Variants in TRPM6 observed in about 807,000 individuals in gnomAD.
TRPM6 encodes transient receptor potential cation channel subfamily M member 6.
A neutral mutation model predicts 247.6 loss-of-function variants in TRPM6; 111 were observed. The observed-to-expected ratio is 0.45, with a 90% CI of 0.38 to 0.52. The LOEUF is 0.52. TRPM6 is among the 20% of genes least tolerant of loss of function. TRPM6 has a pLI of 0.00. For missense variants in TRPM6, 2,126 were observed against 2,421.5 expected, an observed-to-expected ratio of 0.88 and a Z score of 2.56; for synonymous variants, 892 against 853.8, an observed-to-expected ratio of 1.04 and a Z score of -0.78.
At chr9:74,875,607 T>G (rs1831174464) in intron 1 of TRPM6, among the ~76,000 whole-genome samples, 1 of 152,114 alleles carries the variant, frequency 6.6e-6, no homozygotes, top group African/African-American at 2.4e-5. Context: ...GTCAATTCAT[T>G]ATTCCCTCCT....
chr9:74,820,514 C>T (rs1829100677), intron 8 of TRPM6, 87 bp from the exon 9 acceptor site: 1 of 1,524,784 alleles, frequency 6.6e-7, no homozygotes, highest in Non-Finnish European at 9.0e-7. Context: ...CATCAGCTCC[C>T]CAGACTGAAA....
chr9:74,797,080 A>G (rs1280921860), intron 17 of TRPM6, among the ~76,000 whole-genome samples, 187 bp from the exon 18 acceptor site: 1 of 152,210 alleles, frequency 6.6e-6, no homozygotes, highest in Non-Finnish European at 1.5e-5. Context: ...AGAAATACTC[A>G]TGAGTACAAG....
intron 3 of TRPM6, among the ~76,000 whole-genome samples, chr9:74,853,180 G>A (rs1830407649): frequency 1.3e-5 from 2 of 151,344 alleles, no homozygotes; most frequent in Admixed American, 6.6e-5. Flanking sequence ...CTGCCCGGCC[G>A]CCCCGTCTGA....
chr9:74,830,770 T>G (rs1384199975), intron 6 of TRPM6, among the ~76,000 whole-genome samples: 8 of 141,720 alleles, frequency 5.6e-5, no homozygotes, highest in Non-Finnish European at 1.2e-4. Context: ...TTTTTTTTTT[T>G]TTTTTTTTGT....
chr9:74,769,586 G>A (rs1043266246), intron 25 of TRPM6, among the ~76,000 whole-genome samples: 6 of 151,876 alleles, frequency 4.0e-5, no homozygotes, highest in Non-Finnish European at 7.4e-5. Flanking sequence ...GTGAAACCCC[G>A]TCTCTACTAA....
At chr9:74,771,045 A>G (rs975084876) in intron 25 of TRPM6, among the ~76,000 whole-genome samples, 1 of 151,842 alleles carries the variant, frequency 6.6e-6, no homozygotes, top group African/African-American at 2.4e-5. Context: ...TCCAACCAGC[A>G]CCCTCCATCT....
At chr9:74,737,502 A>G (rs561227336) in intron 36 of TRPM6, 43 of 1,115,612 alleles carry the variant, frequency 3.9e-5, no homozygotes, top group South Asian at 2.8e-4. Context: ...TAAACAAACC[A>G]TAAGATGGTT....
chr9:74,818,053 C>G (rs559353305), intron 9 of TRPM6, among the ~76,000 whole-genome samples: 28 of 152,238 alleles, frequency 1.8e-4, no homozygotes, highest in African/African-American at 6.3e-4. Flanking sequence ...CGAATAAAAT[C>G]AGTCCTCAAT....
chr9:74,887,365 C>T, intron 1 of TRPM6: 3 of 1,391,672 alleles, frequency 2.2e-6, no homozygotes, highest in Non-Finnish European at 2.8e-6. Context: ...CCCGGCTAGT[C>T]AGCGTCCGGG....
intron 9 of TRPM6, among the ~76,000 whole-genome samples, chr9:74,819,684 G>A (rs372702881): frequency 3.3e-5 from 5 of 152,234 alleles, no homozygotes; most frequent in South Asian, 2.1e-4. Context: ...ATTTCCTGCA[G>A]GATTTACTCA....
chr9:74,732,805 TA>T, intron 36 of TRPM6, 69 bp from the exon 37 acceptor site: 1 of 1,158,494 alleles, frequency 8.6e-7, no homozygotes. Context: ...AAGAAAATAA[TA>T]ATTAAATTCT....
intron 38 of TRPM6, among the ~76,000 whole-genome samples, chr9:74,727,394 A>AG (rs1180662892): frequency 2.0e-5 from 3 of 151,580 alleles, no homozygotes; most frequent in African/African-American, 7.3e-5. Context: ...AAAAAAAAAA[A>AG]AAAAAAAAAA....
intron 38 of TRPM6, among the ~76,000 whole-genome samples, chr9:74,727,339 G>A (rs899040322): frequency 1.2e-4 from 16 of 138,286 alleles, no homozygotes; most frequent in East Asian, 8.5e-4. Flanking sequence ...CTGAAATTGC[G>A]CCACTGTGCT....
chr9:74,887,440 C>T, intron 1 of TRPM6: 1 of 1,104,148 alleles, frequency 9.1e-7, no homozygotes, highest in Non-Finnish European at 1.3e-6. Context: ...CAGCTCAAGC[C>T]ACCTCCGAAC....
chr9:74,770,549 CA>C (rs1466690933), intron 25 of TRPM6, among the ~76,000 whole-genome samples: 1 of 152,138 alleles, frequency 6.6e-6, no homozygotes, highest in Non-Finnish European at 1.5e-5. Context: ...CCTCTTTCCT[CA>C]AACTTCTGAA....
At chr9:74,736,135 T>C (rs1383411502) in intron 36 of TRPM6, among the ~76,000 whole-genome samples, 1 of 152,224 alleles carries the variant, frequency 6.6e-6, no homozygotes, top group African/African-American at 2.4e-5. Flanking sequence ...CTGAAGGCGG[T>C]GTATCAGGAA....
chr9:74,887,734 C>G, intron 1 of TRPM6, 90 bp downstream of exon 1: 1 of 1,613,282 alleles, frequency 6.2e-7, no homozygotes, highest in East Asian at 2.2e-5. Flanking sequence ...GTGTCCCTGG[C>G]CCCACCCACT....
intron 37 of TRPM6, among the ~76,000 whole-genome samples, chr9:74,728,871 A>G (rs1247766764): frequency 6.6e-6 from 1 of 152,230 alleles, no homozygotes; most frequent in Non-Finnish European, 1.5e-5. Context: ...TTTCAAAGCC[A>G]CTTGCTCTCC....
intron 5 of TRPM6, among the ~76,000 whole-genome samples, chr9:74,837,509 C>T (rs934225635): frequency 2.6e-5 from 4 of 151,794 alleles, no homozygotes; most frequent in Admixed American, 6.6e-5. Context: ...TGCAGTGGCA[C>T]GATCTCGGCT....
Sources: gnomAD v4.1 joint callset for allele counts (sites outside exome capture counted in the v4.1 genomes callset) on GRCh38, gnomAD v4.1.1 for gene constraint, MANE v1.5 for transcripts, NCBI Gene and HGNC (gene_info 2026-07-23, HGNC 2026-07-21) for gene names.